The following SATB2 variants were observed in gnomAD, a reference collection of about 807,000 sequenced individuals.
SATB2 encodes DNA-binding protein SATB2.
A neutral mutation model predicts 73.4 loss-of-function variants in SATB2; 1 was observed. The observed-to-expected ratio is 0.01, with a 90% confidence interval of 0.00 to 0.06. The LOEUF (loss-of-function observed/expected upper bound fraction) is 0.06. Ranked by LOEUF, SATB2 falls within the 10% of genes least tolerant of loss-of-function variation. The pLI is 1.00. For synonymous variants in SATB2, 397 were observed against 367.0 expected, an observed-to-expected ratio of 1.08 and a Z score of -0.93; for missense variants, 459 against 945.8, an observed-to-expected ratio of 0.49 and a Z score of 6.75.
chr2:199,375,732 C>A (rs1436981544), intron 5 of SATB2, among the ~76,000 whole-genome samples: 1 of 152,092 alleles, frequency 6.6e-6, no homozygotes, highest in African/African-American at 2.4e-5. Flanking sequence ...TTTTGAAAAA[C>A]CCAACAAGCC....
At chr2:199,371,278 C>A (rs1215401280) in intron 5 of SATB2, among the ~76,000 whole-genome samples, 5 of 152,142 alleles carry the variant, frequency 3.3e-5, no homozygotes, top group African/African-American at 1.2e-4. Context: ...CTAGGCTTCA[C>A]TAGAATGCTC....
intron 10 of SATB2, among the ~76,000 whole-genome samples, chr2:199,286,239 A>G (rs566705942): frequency 6.6e-6 from 1 of 152,260 alleles, no homozygotes; most frequent in South Asian, 2.1e-4. Context: ...CTTCAATATA[A>G]GGAGATGAGG....
At chr2:199,368,967 T>C (rs772984605) in intron 5 of SATB2, 47 of 325,860 alleles carry the variant, frequency 1.4e-4, no homozygotes, top group Non-Finnish European at 2.4e-4. Context: ...GCAGATTAAA[T>C]GCAAAGAGGA....
chr2:199,348,592 C>A (rs1321297566), intron 7 of SATB2, 109 bp downstream of exon 7: 3 of 857,060 alleles, frequency 3.5e-6, no homozygotes, highest in South Asian at 1.4e-5. Flanking sequence ...TAATCTAATT[C>A]TATGTCCTGA....
chr2:199,393,153 C>T (rs1371230482), intron 3 of SATB2, among the ~76,000 whole-genome samples: 2 of 152,158 alleles, frequency 1.3e-5, no homozygotes, highest in African/African-American at 2.4e-5. Context: ...CCCAGAGAGC[C>T]TCTGCACTTA....
chr2:199,374,051 T>C (rs1689526361), intron 5 of SATB2, among the ~76,000 whole-genome samples: 1 of 152,226 alleles, frequency 6.6e-6, no homozygotes, highest in South Asian at 2.1e-4. Context: ...TTTGGCATGT[T>C]GTACATATGA....
chr2:199,411,884 G>C (rs1290235841), intron 3 of SATB2, among the ~76,000 whole-genome samples: 1 of 152,230 alleles, frequency 6.6e-6, no homozygotes, highest in African/African-American at 2.4e-5. Context: ...AGTGGGATAA[G>C]GGGATGATTC....
intron 10 of SATB2, among the ~76,000 whole-genome samples, chr2:199,284,596 T>C (rs571018963): frequency 5.9e-5 from 9 of 152,320 alleles, no homozygotes; most frequent in Non-Finnish European, 7.4e-5. Context: ...TCCAGTTGTC[T>C]TTCATTAAGT....
At chr2:199,358,487 C>A (rs1248331983) in intron 6 of SATB2, among the ~76,000 whole-genome samples, 1 of 151,946 alleles carries the variant, frequency 6.6e-6, no homozygotes. Flanking sequence ...AAAGAAAAAA[C>A]AAAAAACTTG....
chr2:199,299,736 A>G (rs1486713235), intron 10 of SATB2, among the ~76,000 whole-genome samples: 1 of 152,174 alleles, frequency 6.6e-6, no homozygotes, highest in African/African-American at 2.4e-5. Flanking sequence ...ACGCGAGAAT[A>G]AAAATGGCCC....
At chr2:199,337,857 GTCA>G (rs1688381782) in intron 7 of SATB2, among the ~76,000 whole-genome samples, 1 of 152,020 alleles carries the variant, frequency 6.6e-6, no homozygotes, top group Non-Finnish European at 1.5e-5. Context: ...AGGCCAAATG[GTCA>G]TCATTTCAAT....
At chr2:199,420,433 C>G (rs960915726) in intron 3 of SATB2, among the ~76,000 whole-genome samples, 1 of 152,100 alleles carries the variant, frequency 6.6e-6, no homozygotes, top group Non-Finnish European at 1.5e-5. Context: ...AAACATCCTA[C>G]TGGTGGGTGC....
At chr2:199,346,628 A>G (rs1214776493) in intron 7 of SATB2, among the ~76,000 whole-genome samples, 1 of 152,236 alleles carries the variant, frequency 6.6e-6, no homozygotes, top group African/African-American at 2.4e-5. Flanking sequence ...TAACTCACGC[A>G]GTATTGCTTA....
intron 3 of SATB2, among the ~76,000 whole-genome samples, chr2:199,416,983 C>T (rs577483134): frequency 1.9e-4 from 28 of 151,334 alleles, no homozygotes; most frequent in Non-Finnish European, 2.4e-4. Context: ...TTGCAGTGAG[C>T]GGAGATCACG....
In SATB2 at chr2:199,300,018, G is replaced by A. The variant is rs545010302; in HGVS notation, c.1740+8742C>T. 1.1e-4 allele frequency among the ~76,000 whole-genome samples: 17 copies of A among 152,202 alleles called. No individual in the cohort carries two copies. In the South Asian group the frequency reaches 2.7e-3, roughly 24 times the overall value. Reference sequence around the variant, plus strand: ...GATGCATTTTAATGCACTTTCTACCGTAGTCTCTATTTATTTTGCCTCTGT... The same window carrying A: ...GATGCATTTTAATGCACTTTCTACCATAGTCTCTATTTATTTTGCCTCTGT... On this transcript the variant is annotated intron_variant, in intron 10 of 10. Transcript: ENST00000417098.
At chr2:199,322,454 A>C (rs543082253) in intron 9 of SATB2, among the ~76,000 whole-genome samples, 148 of 152,328 alleles carry the variant, frequency 9.7e-4, no homozygotes, top group African/African-American at 3.3e-3. Context: ...ACAGTTTAAG[A>C]AGGCTCTATG....
intron 6 of SATB2, among the ~76,000 whole-genome samples, chr2:199,360,713 C>A (rs548068302): frequency 2.6e-5 from 4 of 152,158 alleles, no homozygotes; most frequent in Non-Finnish European, 4.4e-5. Flanking sequence ...CTGGCTCCAT[C>A]CTCTTTCTGA....
chr2:199,467,634 C>A (rs1342581529), upstream of SATB2: 1 of 152,492 alleles, frequency 6.6e-6, no homozygotes, highest in Non-Finnish European at 1.5e-5. Flanking sequence ...CACCCACTAG[C>A]ACACACTAGT....
At chr2:199,446,673 A>C (rs1160914284) in intron 2 of SATB2, among the ~76,000 whole-genome samples, 1 of 152,228 alleles carries the variant, frequency 6.6e-6, no homozygotes, top group African/African-American at 2.4e-5. Context: ...GCAAATGTTA[A>C]AACTGAAAAC....
Sources: gnomAD v4.1 joint callset for allele counts (sites outside exome capture counted in the v4.1 genomes callset) on GRCh38, gnomAD v4.1.1 for gene constraint, MANE v1.5 for transcripts, NCBI Gene and HGNC (gene_info 2026-07-23, HGNC 2026-07-21) for gene names.